Variants in UNC13B observed in about 807,000 individuals in gnomAD.
UNC13B encodes unc-13 homolog B.
Under a neutral mutation model 211.0 loss-of-function variants are expected in UNC13B, and 144 were observed. The observed-to-expected ratio is 0.68, with a 90% CI of 0.60 to 0.78. The LOEUF (loss-of-function observed/expected upper bound fraction) is 0.78, where lower values mean the gene tolerates loss of function less well. UNC13B is among the 30% of genes least tolerant of loss of function. The probability of loss-of-function intolerance (pLI) is 0.00; values close to 1 mark genes in which losing one functional copy is unlikely to be tolerated. For synonymous variants in UNC13B, 709 were observed against 725.8 expected, an observed-to-expected ratio of 0.98 and a Z score of 0.37; for missense variants, 1,777 against 2,002.0, an observed-to-expected ratio of 0.89 and a Z score of 2.14.
At position 35,259,015 on chromosome 9, in the gene UNC13B, A is replaced by T. The variant is rs1334526104; in HGVS notation, c.491A>T (p.Gln164Leu). The stretch of plus-strand genomic sequence containing the variant: ...TAGTATTCTAGTCAAGAAGAAAGCC[A>T]GAGGAAGCCATTGCCCACTGCTGCC... ...DNEYSSQEES[Q>L]RKPLPTAAAQ... The change falls in exon 7 of 40, where the codon CAG becomes CTG. Residue 164 changes from glutamine to leucine, a missense_variant. Transcript: ENST00000635942. 1 of 1,613,804 alleles carries T rather than the reference A, an allele frequency of 6.2e-7. No homozygotes were observed. The highest frequency in any genetic ancestry group is 1.3e-5 in the African/African-American group (1 of 74,908).
chr9:35,184,038 G>T (rs4879880), intron 1 of UNC13B, among the ~76,000 whole-genome samples: 105,283 of 135,306 alleles, frequency 0.78, 40,840 homozygotes, highest in East Asian at 0.97. Context: ...CCCGGACGTG[G>T]CGGTCAGGCA....
chr9:35,232,941 G>A (rs1015643464), intron 3 of UNC13B, among the ~76,000 whole-genome samples: 1 of 152,278 alleles, frequency 6.6e-6, no homozygotes, highest in Admixed American at 6.5e-5. Context: ...GGAGAGCCAG[G>A]AGATAATGGT....
chr9:35,371,111 G>A (rs1394161349), intron 13 of UNC13B, among the ~76,000 whole-genome samples: 1 of 152,146 alleles, frequency 6.6e-6, no homozygotes, highest in Non-Finnish European at 1.5e-5. Context: ...TCAGTTAAAT[G>A]TGAACCCTTT....
At chr9:35,181,558 C>T (rs1235521181) in intron 1 of UNC13B, among the ~76,000 whole-genome samples, 1 of 152,176 alleles carries the variant, frequency 6.6e-6, no homozygotes, top group African/African-American at 2.4e-5. Context: ...TCGATCTGGC[C>T]AGGTGCGGTG....
intron 13 of UNC13B, among the ~76,000 whole-genome samples, chr9:35,371,752 CT>C (rs1345744526): frequency 6.6e-6 from 1 of 152,086 alleles, no homozygotes; most frequent in Non-Finnish European, 1.5e-5. Context: ...GTGCTCTAGG[CT>C]TTGGGTCCTG....
At chr9:35,182,152 G>C (rs374555366) in intron 1 of UNC13B, among the ~76,000 whole-genome samples, 7 of 152,166 alleles carry the variant, frequency 4.6e-5, no homozygotes, top group Non-Finnish European at 1.0e-4. Flanking sequence ...TCCAATATCT[G>C]TGTGTTAGAG....
chr9:35,238,983 T>A (rs1175220860), intron 5 of UNC13B, among the ~76,000 whole-genome samples: 1 of 151,754 alleles, frequency 6.6e-6, no homozygotes, highest in African/African-American at 2.4e-5. Flanking sequence ...GAGTCTAGAA[T>A]AAATTTCTTA....
intron 6 of UNC13B, among the ~76,000 whole-genome samples, chr9:35,253,851 G>A (rs1826660491): frequency 6.6e-6 from 1 of 152,182 alleles, no homozygotes; most frequent in Admixed American, 6.5e-5. Flanking sequence ...TGTAGGATAT[G>A]CTCTGTTCAA....
At chr9:35,343,434 A>C (rs1218003418) in intron 11 of UNC13B, among the ~76,000 whole-genome samples, 1 of 152,174 alleles carries the variant, frequency 6.6e-6, no homozygotes, top group African/African-American at 2.4e-5. Flanking sequence ...TGAGGTAACC[A>C]GGTTTATCCT....
chr9:35,385,835 G>A (rs747759928), intron 23 of UNC13B, 22 bp downstream of exon 23: 3 of 1,599,030 alleles, frequency 1.9e-6, no homozygotes, highest in Non-Finnish European at 8.6e-7. Context: ...ACTGGGGCTT[G>A]GGTGGTGCTG....
chr9:35,323,155 A>T, intron 11 of UNC13B, among the ~76,000 whole-genome samples: 2 of 150,440 alleles, frequency 1.3e-5, no homozygotes, highest in Admixed American at 6.6e-5. Flanking sequence ...GTGCCCCAAA[A>T]CTTGTATGTG....
At position 35,304,265 on chromosome 9, in the gene UNC13B, G is replaced by A. The variant is rs1464169067; in HGVS notation, c.4861G>A (p.Glu1621Lys). ...DLSLALPRSE[E>K]PLYLNLETFS... ...ATCTTTAGCTTTGCCAAGAAGTGAG[G>A]AACCATTGTATCTAAATTTAGAAAC... The change falls in exon 9 of 40, where the codon GAA (glutamate) becomes AAA (lysine). Residue 1621 changes from glutamate (E) to lysine (K), a missense_variant. Coordinates refer to ENST00000635942, the MANE Select transcript of UNC13B (RefSeq NM_001371189.2). The A allele has an allele frequency of 2.5e-6, 1 of 398,606 alleles. No individual in the cohort carries two copies. The highest frequency in any genetic ancestry group is 2.1e-5 in the African/African-American group (1 of 48,598). The allele number at this position is 398,606 out of a possible 1,614,324, so 24.7% of individuals were successfully genotyped here.
At chr9:35,264,042 C>T (rs1266999049) in intron 7 of UNC13B, among the ~76,000 whole-genome samples, 1 of 152,078 alleles carries the variant, frequency 6.6e-6, no homozygotes, top group African/African-American at 2.4e-5. Context: ...GTTGCTGAAA[C>T]AAATACCAAA....
intron 11 of UNC13B, among the ~76,000 whole-genome samples, chr9:35,355,980 A>G (rs1024153022): frequency 6.6e-6 from 1 of 152,208 alleles, no homozygotes; most frequent in Admixed American, 6.5e-5. Context: ...CTTCTAGGCA[A>G]TGCAGAAACT....
chr9:35,393,353 G>A (rs1339504687), intron 26 of UNC13B, among the ~76,000 whole-genome samples: 1 of 152,062 alleles, frequency 6.6e-6, no homozygotes, highest in Non-Finnish European at 1.5e-5. Flanking sequence ...GTAGTGACAA[G>A]AAAGGGAGAC....
At chr9:35,389,396 T>G (rs914080515) in intron 24 of UNC13B, among the ~76,000 whole-genome samples, 1 of 152,172 alleles carries the variant, frequency 6.6e-6, no homozygotes, top group African/African-American at 2.4e-5. Context: ...TTGAAAGAGC[T>G]TCTCAGAGCT....
In UNC13B at chr9:35,249,787, A is replaced by G. The variant is rs368729828; in HGVS notation, c.468+6423A>G. 7.9e-4 allele frequency among the ~76,000 whole-genome samples: 120 copies of G among 152,148 alleles called. 1 individual carries two copies. In the South Asian group the frequency reaches 0.019, roughly 24 times the overall value. ...ACCTTTCTCTCTGGCTGCCCTTAAC[A>G]TTATTTCCTTCATTTCAACTTTGGT... On this transcript the variant is annotated intron_variant, in intron 6 of 39. Coordinates refer to ENST00000635942, the MANE Select transcript of UNC13B (RefSeq NM_001371189.2).
chr9:35,189,030 T>C (rs1247788401), intron 1 of UNC13B, among the ~76,000 whole-genome samples: 1 of 152,242 alleles, frequency 6.6e-6, no homozygotes, highest in Non-Finnish European at 1.5e-5. Context: ...GATTTAATGT[T>C]TACACATTGT....
intron 1 of UNC13B, among the ~76,000 whole-genome samples, chr9:35,186,834 G>A (rs1822387841): frequency 6.6e-6 from 1 of 151,930 alleles, no homozygotes; most frequent in Admixed American, 6.6e-5. Flanking sequence ...TGTACATGTG[G>A]CTGGCAGAGA....
Sources: gnomAD v4.1 joint callset for allele counts (sites outside exome capture counted in the v4.1 genomes callset) on GRCh38, gnomAD v4.1.1 for gene constraint, MANE v1.5 for transcripts, NCBI Gene and HGNC (gene_info 2026-07-23, HGNC 2026-07-21) for gene names.